Variants in SFMBT1 observed in about 807,000 individuals in gnomAD.
The protein encoded by SFMBT1 is scm-like with four MBT domains protein 1.
SFMBT1 carries 32 observed loss-of-function variants against 108.7 expected under a neutral mutation model. The ratio of observed to expected loss-of-function variants is 0.29; its 90% CI spans 0.22 to 0.40. SFMBT1 has a LOEUF of 0.40. Among genes scored for constraint, SFMBT1 ranks in the 10% least tolerant of loss-of-function variants. The pLI is 1.00. For missense variants in SFMBT1, 816 were observed against 1,059.6 expected, an observed-to-expected ratio of 0.77 and a Z score of 3.19; for synonymous variants, 348 against 369.5, an observed-to-expected ratio of 0.94 and a Z score of 0.67.
intron 1 of SFMBT1, among the ~76,000 whole-genome samples, chr3:52,991,894 T>C (rs1382600184): frequency 6.6e-6 from 1 of 152,162 alleles, no homozygotes; most frequent in African/African-American, 2.4e-5. Context: ...TAAGTTTCTA[T>C]TATTCATAAG....
intron 1 of SFMBT1, among the ~76,000 whole-genome samples, chr3:53,042,340 G>C (rs1219001895): frequency 6.6e-6 from 1 of 152,116 alleles, no homozygotes; most frequent in East Asian, 1.9e-4. Context: ...AATCATACTG[G>C]GTTGGTTGGT....
At chr3:52,924,174 A>ATTTACT (rs982075329) in intron 10 of SFMBT1, among the ~76,000 whole-genome samples, 20 of 152,288 alleles carry the variant, frequency 1.3e-4, no homozygotes, top group Admixed American at 6.5e-4. Context: ...GTCAAAAAAA[A>ATTTACT]TTTACTTCCC....
chr3:53,042,765 AGATTTTAAATTAAACAATCT>A (rs148104365), intron 1 of SFMBT1, among the ~76,000 whole-genome samples: 4,605 of 152,334 alleles, frequency 0.03, 235 homozygotes, highest in African/African-American at 0.1. Flanking sequence ...AAAATGTAAT[AGATTTTAAATTAAACAATCT>A]GATCACATAA....
intron 1 of SFMBT1, among the ~76,000 whole-genome samples, chr3:52,991,046 T>A (rs1705106133): frequency 6.6e-6 from 1 of 151,900 alleles, no homozygotes; most frequent in South Asian, 2.2e-4. Flanking sequence ...CTTCAGCAAC[T>A]ATACCTAGCA....
chr3:52,983,839 G>T (rs1363327804), intron 1 of SFMBT1, among the ~76,000 whole-genome samples: 2 of 152,228 alleles, frequency 1.3e-5, no homozygotes, highest in African/African-American at 4.8e-5. Context: ...AGGCTGCTGT[G>T]AAGATTTTGG....
rs566599113 is a variant in SFMBT1, at chr3:52,907,558, G to A, written c.2082C>T (p.Pro694=). The change falls in exon 18 of 21, where the codon CCC becomes CCT. Residue 694 remains proline, a synonymous_variant. Transcript: ENST00000394752. The part of the protein sequence containing the change: ...ASVDNTPAGS[P]QGSGGEDEDD... ...AGGCACATCACAGATCTCATACCTG[G>A]GGAGAGCCCGCTGGGGTATTATCAA... 2 of 1,612,822 alleles carry A rather than the reference G, an allele frequency of 1.2e-6. No individual in the cohort carries two copies. The highest frequency in any genetic ancestry group is 1.7e-5 in the Admixed American group (1 of 59,844).
chr3:53,015,158 A>G (rs1216092707), intron 1 of SFMBT1, among the ~76,000 whole-genome samples: 1 of 151,844 alleles, frequency 6.6e-6, no homozygotes, highest in East Asian at 1.9e-4. Context: ...GCAGTGAGCC[A>G]AGATCATGCC....
intron 3 of SFMBT1, among the ~76,000 whole-genome samples, chr3:52,946,347 C>A (rs1703364537): frequency 6.6e-6 from 1 of 152,232 alleles, no homozygotes; most frequent in Admixed American, 6.5e-5. Context: ...AAAAAGTCCT[C>A]CCCCGCTAGT....
chr3:53,018,463 C>T (rs992944012), intron 1 of SFMBT1, among the ~76,000 whole-genome samples: 4 of 151,854 alleles, frequency 2.6e-5, no homozygotes, highest in African/African-American at 9.7e-5. Flanking sequence ...TCAGTTAGAC[C>T]CCATGTTCTA....
At chr3:52,980,165 A>C (rs1437050048) in intron 1 of SFMBT1, among the ~76,000 whole-genome samples, 1 of 152,236 alleles carries the variant, frequency 6.6e-6, no homozygotes, top group African/African-American at 2.4e-5. Flanking sequence ...CAGACTGTAC[A>C]TGGTGTCATT....
chr3:52,951,704 A>G (rs1172509330), intron 3 of SFMBT1, among the ~76,000 whole-genome samples: 1 of 152,226 alleles, frequency 6.6e-6, no homozygotes. Flanking sequence ...CAGCAGGAAC[A>G]TGCCCTTAAA....
At chr3:52,931,057 T>G (rs376343978) in intron 6 of SFMBT1, 22 bp from the exon 7 acceptor site, 1 of 1,594,870 alleles carries the variant, frequency 6.3e-7, no homozygotes, top group African/African-American at 1.3e-5. Flanking sequence ...CATGACAACA[T>G]GCTTTAGATG....
At chr3:53,019,787 A>T (rs989231177) in intron 1 of SFMBT1, among the ~76,000 whole-genome samples, 4 of 152,226 alleles carry the variant, frequency 2.6e-5, no homozygotes, top group African/African-American at 9.6e-5. Context: ...GGCATTTTTT[A>T]AAACACAAAG....
chr3:52,978,586 CAT>C (rs373354361), intron 1 of SFMBT1, among the ~76,000 whole-genome samples: 192 of 152,216 alleles, frequency 1.3e-3, no homozygotes, highest in African/African-American at 4.2e-3. Flanking sequence ...ATAGAGTTAC[CAT>C]ATGGGCCAGT....
chr3:53,025,425 T>C (rs1294101546), intron 1 of SFMBT1, among the ~76,000 whole-genome samples: 3 of 152,104 alleles, frequency 2.0e-5, no homozygotes, highest in East Asian at 3.8e-4. Flanking sequence ...CTGGGCAATG[T>C]TGGGAGACTT....
chr3:52,913,404 G>A (rs1702262463), intron 15 of SFMBT1, 74 bp downstream of exon 15: 2 of 1,529,096 alleles, frequency 1.3e-6, no homozygotes, highest in Non-Finnish European at 1.8e-6. Context: ...TATGGCATGT[G>A]GCTCCCTGTA....
intron 1 of SFMBT1, among the ~76,000 whole-genome samples, chr3:53,033,060 T>C (rs1473192350): frequency 6.6e-6 from 1 of 152,136 alleles, no homozygotes; most frequent in Non-Finnish European, 1.5e-5. Context: ...ATAATCCCAG[T>C]GCTCTGGGAA....
At chr3:52,944,943 C>T (rs1339959856) in intron 3 of SFMBT1, among the ~76,000 whole-genome samples, 1 of 151,516 alleles carries the variant, frequency 6.6e-6, no homozygotes, top group African/African-American at 2.4e-5. Flanking sequence ...AGCTGAGACC[C>T]CAGATGTGCG....
At chr3:53,040,748 A>G (rs940622157) in intron 1 of SFMBT1, among the ~76,000 whole-genome samples, 1 of 152,018 alleles carries the variant, frequency 6.6e-6, no homozygotes, top group Admixed American at 6.6e-5. Context: ...TGTTCAAACC[A>G]CAGAGTTCAA....
Sources: gnomAD v4.1 joint callset for allele counts (sites outside exome capture counted in the v4.1 genomes callset) on GRCh38, gnomAD v4.1.1 for gene constraint, MANE v1.5 for transcripts, NCBI Gene and HGNC (gene_info 2026-07-23, HGNC 2026-07-21) for gene names.